Variants in SSBP4 observed in about 807,000 individuals in gnomAD.
The protein encoded by SSBP4 is single-stranded DNA-binding protein 4.
SSBP4 carries 33 observed loss-of-function variants against 64.6 expected under a neutral mutation model. The observed-to-expected ratio is 0.51, with a 90% CI of 0.39 to 0.68. SSBP4 has a LOEUF of 0.68. Ranked by LOEUF, SSBP4 falls within the 30% of genes least tolerant of loss-of-function variation. SSBP4 has a pLI of 0.00. For synonymous variants in SSBP4, 243 were observed against 224.0 expected (o/e 1.08, Z -0.76); for missense variants, 583 against 566.8 (o/e 1.03, Z -0.29).
intron 1 of SSBP4, among the ~76,000 whole-genome samples, chr19:18,422,110 G>A (rs1972505635): frequency 6.6e-6 from 1 of 152,184 alleles, no homozygotes; most frequent in Admixed American, 6.5e-5. Context: ...GCAGTGAGCT[G>A]AGATCGTGCC....
Position 18,430,921 on chromosome 19 carries a change from C to A in SSBP4, c.360C>A (p.Gly120=). The part of the protein sequence containing the change: ...DTMAAGSMAA[G]FFQGPPGSQP... ...TGGCCGCAGGCTCCATGGCGGCTGG[C>A]TTCTTCCAGGTATGGCCCCGGCTGG... The change falls in exon 5 of 18, where the codon GGC becomes GGA. Residue 120 remains glycine, a synonymous_variant. Coordinates refer to ENST00000270061, the MANE Select transcript of SSBP4 (RefSeq NM_032627.5). 6.2e-7 allele frequency: 1 copy of A among 1,612,410 alleles called. No individual in the cohort carries two copies. The highest frequency in any genetic ancestry group is 8.5e-7 in the Non-Finnish European group (1 of 1,179,838).
At chr19:18,429,839 G>A (rs570844902) in intron 4 of SSBP4, among the ~76,000 whole-genome samples, 79 of 152,282 alleles carry the variant, frequency 5.2e-4, no homozygotes, top group Middle Eastern at 3.4e-3. Flanking sequence ...GGACCCTGGC[G>A]GGAGGCTTGA....
Position 18,432,580 on chromosome 19 carries a change from G to A in SSBP4, c.726G>A (p.Pro242=), listed in dbSNP as rs368585392. The A allele has an allele frequency of 2.7e-5, 43 of 1,576,606 alleles. No homozygotes were observed. The highest frequency in any genetic ancestry group is 3.7e-4 in the Middle Eastern group (2 of 5,336). Residue 242 remains proline (P), a synonymous_variant, in exon 11 of 18, where the codon CCG becomes CCA. Transcript: ENST00000270061. ...CCAGGGGCCCAGGAGTTCGTGGCCC[G>A]TGGGCCAGCCCCAGTGGAAACTCGG... ...AMNMGPGVRG[P]WASPSGNSIP... is the part of the protein sequence containing the mutation.
At chr19:18,405,799 A>G in the SSBP4 span, among the ~76,000 whole-genome samples, 8 of 152,112 alleles carry the variant, frequency 5.3e-5, no homozygotes, top group African/African-American at 1.9e-4. Context: ...CATCCTGGCT[A>G]ACAAACACAG....
the SSBP4 span, among the ~76,000 whole-genome samples, chr19:18,408,163 A>G: frequency 3.3e-5 from 5 of 152,210 alleles, no homozygotes; most frequent in Non-Finnish European, 7.4e-5. Context: ...TGAGGCTTGC[A>G]TTTCTTGGCT....
At position 18,427,638 on chromosome 19, in the gene SSBP4, C is replaced by G; in HGVS notation, c.133-114C>G. ...CACATCCTGGGGCCCTCTGCCCACC[C>G]TGTTACCCTTCCCTCCCCACTCCCT... On this transcript the variant is annotated intron_variant, in intron 2 of 17. Coordinates refer to ENST00000270061, the MANE Select transcript of SSBP4 (RefSeq NM_032627.5). The surrounding 1 kb of genome is among the most constrained non-coding windows in gnomAD (Gnocchi z 4.4). The G allele has an allele frequency of 7.5e-7, 1 of 1,329,400 alleles. No homozygotes were observed. The highest frequency in any genetic ancestry group is 1.0e-6 in the Non-Finnish European group (1 of 982,012). 82.4% of individuals were successfully genotyped at this position (1,329,400 alleles called of 1,614,324 possible).
At position 18,433,835 on chromosome 19, in the gene SSBP4, C is replaced by G. The variant is rs1489986962; in HGVS notation, c.1128+18C>G. On this transcript the variant is annotated intron_variant, in intron 17 of 17. Coordinates refer to ENST00000270061, the MANE Select transcript of SSBP4 (RefSeq NM_032627.5). ...GCGAAAGCGTAAGCGACTGCGTCGA[C>G]TCCCCCCCCGCGGCGGCGTCGGGCC... 7.2e-7 allele frequency: 1 copy of G among 1,391,358 alleles called. No individual in the cohort carries two copies. The highest frequency in any genetic ancestry group is 9.3e-7 in the Non-Finnish European group (1 of 1,077,536). The allele number at this position is 1,391,358 out of a possible 1,614,324, so 86.2% of individuals were successfully genotyped here.
chr19:18,433,569 C>T lies in SSBP4; in HGVS notation c.992-16C>T, dbSNP rs1490771371. ...AGCACGTCTGAGCCGGTGCCCGTGT[C>T]TGTCCGTGTCTGTAGGCTCGGGCGA... On this transcript the variant is annotated splice_polypyrimidine_tract_variant and intron_variant, in intron 15 of 17. Coordinates refer to ENST00000270061, the MANE Select transcript of SSBP4 (RefSeq NM_032627.5). 1.9e-6 allele frequency: 3 copies of T among 1,540,634 alleles called. No homozygotes were observed. Among genetic ancestry groups the T allele is most frequent in the South Asian group, 1.2e-5 (1 of 83,946 alleles).
intron 15 of SSBP4, 116 bp downstream of exon 15, chr19:18,433,329 C>A: frequency 7.2e-7 from 1 of 1,384,306 alleles, no homozygotes; most frequent in Non-Finnish European, 9.7e-7. Flanking sequence ...GCGTCCTGAG[C>A]CCCCCGGGGG....
rs1007695081 is a variant in SSBP4, at chr19:18,426,374, T to C, written c.60-977T>C. On this transcript the variant is annotated intron_variant, in intron 1 of 17. Transcript: ENST00000270061. This position sits in a 1 kb window ranked among gnomAD's most constrained non-coding sequence, Gnocchi z 4.5. Reference sequence around the variant, plus strand: ...GCCCTCTGGTACCCTGTCTTGAATCTAAGAGTCCCCCAACCCCCAGCAGAC... The same window carrying C: ...GCCCTCTGGTACCCTGTCTTGAATCCAAGAGTCCCCCAACCCCCAGCAGAC... Among the ~76,000 whole-genome samples the C allele has an allele frequency of 1.4e-4, 22 of 152,172 alleles. No homozygotes were observed. The highest frequency in any genetic ancestry group is 1.4e-3 in the Admixed American group (21 of 15,280).
chr19:18,409,299 G>A, the SSBP4 span, among the ~76,000 whole-genome samples: 13 of 150,738 alleles, frequency 8.6e-5, no homozygotes, highest in South Asian at 4.2e-4. Flanking sequence ...CGATTCTCTC[G>A]CCTCAGCCTT....
rs188535295 is a variant in SSBP4, at chr19:18,426,313, G to T, written c.60-1038G>T. Among the ~76,000 whole-genome samples the T allele has an allele frequency of 4.0e-4, 61 of 152,310 alleles. No homozygotes were observed. Among genetic ancestry groups the T allele is most frequent in the South Asian group, 1.4e-3 (7 of 4,830 alleles). On this transcript the variant is annotated intron_variant, in intron 1 of 17. Transcript: ENST00000270061. This position sits in a 1 kb window ranked among gnomAD's most constrained non-coding sequence, Gnocchi z 4.5. ...CGGCTGTGGAAGGGCCCCCAGGCCTGCCTGCTTCTCGCCTCTAGGGCTCAG... is the reference window on the plus strand; with the variant it reads ...CGGCTGTGGAAGGGCCCCCAGGCCTTCCTGCTTCTCGCCTCTAGGGCTCAG...
rs1318455385 is a variant in SSBP4, at chr19:18,431,435, C to G, written c.435+17C>G. 2.0e-6 allele frequency: 3 copies of G among 1,477,614 alleles called. No individual in the cohort carries two copies. Among genetic ancestry groups the G allele is most frequent in the Non-Finnish European group, 2.8e-6 (3 of 1,086,274 alleles). 91.5% of individuals were successfully genotyped at this position (1,477,614 alleles called of 1,614,324 possible). On this transcript the variant is annotated intron_variant, in intron 6 of 17. Coordinates refer to ENST00000270061, the MANE Select transcript of SSBP4 (RefSeq NM_032627.5). Reference sequence around the variant, plus strand: ...CACGGTCAGGTAAGGAGCTGTGGTGCCTGCCCCTCACACACACACATCCCC... The same window carrying G: ...CACGGTCAGGTAAGGAGCTGTGGTGGCTGCCCCTCACACACACACATCCCC...
In SSBP4 at chr19:18,433,637, G is replaced by A. The variant is rs775082220; in HGVS notation, c.1020+24G>A. The A allele has an allele frequency of 6.1e-6, 9 of 1,476,008 alleles. No homozygotes were observed. In the East Asian group the frequency reaches 2.3e-4, roughly 38 times the overall value. The allele number at this position is 1,476,008 out of a possible 1,614,324, so 91.4% of individuals were successfully genotyped here. A position where few individuals can be genotyped will look rare whatever the true frequency, so the allele number is the denominator to read the frequency against. Reference sequence around the variant, plus strand: ...AGGTAAGGAGGCTGCGCTCTTGCCGGGGGTGGGATCCGGGGGGGGTGGCGG... The same window carrying A: ...AGGTAAGGAGGCTGCGCTCTTGCCGAGGGTGGGATCCGGGGGGGGTGGCGG... On this transcript the variant is annotated intron_variant, in intron 16 of 17. Coordinates refer to ENST00000270061, the MANE Select transcript of SSBP4 (RefSeq NM_032627.5).
Position 18,432,982 on chromosome 19 carries a change from A to T in SSBP4, c.851A>T (p.Asn284Ile). ...PIMPSPGDST[N>I]SSENMYTIMN... ...TTCTGGTCTCCCCCAGATTCCACCAACTCCAGCGAAAACATGTACACTATC... is the reference window on the plus strand; with the variant it reads ...TTCTGGTCTCCCCCAGATTCCACCATCTCCAGCGAAAACATGTACACTATC... The change falls in exon 14 of 18, where the codon AAC (asparagine) becomes ATC (isoleucine). Residue 284 changes from asparagine (N) to isoleucine (I), a missense_variant. Physicochemically the swap from Asn to Ile is moderately radical, Grantham distance 149. Coordinates refer to ENST00000270061, the MANE Select transcript of SSBP4 (RefSeq NM_032627.5). 1 of 1,614,006 alleles carries T rather than the reference A, an allele frequency of 6.2e-7. No homozygotes were observed.
chr19:18,425,912 T>A (rs1972822801), intron 1 of SSBP4: 1 of 152,412 alleles, frequency 6.6e-6, no homozygotes. Flanking sequence ...TTGACAGGTA[T>A]TGCCTGTCTC....
chr19:18,432,486 G>GT (rs1385280736), intron 10 of SSBP4, 73 bp from the exon 11 acceptor site: 27 of 1,513,080 alleles, frequency 1.8e-5, no homozygotes, highest in Non-Finnish European at 2.2e-5. Context: ...GGAGCAGGGT[G>GT]TGGGGGGTGT....
At chr19:18,433,676 C>T in intron 16 of SSBP4, 34 bp from the exon 17 acceptor site, 2 of 1,205,954 alleles carry the variant, frequency 1.7e-6, no homozygotes, top group Non-Finnish European at 2.1e-6. Flanking sequence ...GGGGGCGGGG[C>T]GGGGAGTTGC....
the SSBP4 span, among the ~76,000 whole-genome samples, chr19:18,405,860 G>A: frequency 4.6e-5 from 7 of 152,000 alleles, no homozygotes; most frequent in Admixed American, 6.6e-5. Flanking sequence ...GCGTGGTGGC[G>A]TGCGCCTGTA....
Sources: allele counts gnomAD v4.1 joint callset (sites outside exome capture counted in the v4.1 genomes callset), GRCh38; gene constraint gnomAD v4.1.1; non-coding constraint Gnocchi (gnomAD v3.1); transcripts MANE v1.5; gene names NCBI Gene and HGNC (gene_info 2026-07-23, HGNC 2026-07-21).